NUP205: variants seen among roughly 807,000 people sequenced by gnomAD.
NUP205 encodes nucleoporin 205, also known as nuclear pore complex protein Nup205.
A neutral mutation model predicts 253.8 loss-of-function variants in NUP205; 76 were observed. The ratio of observed to expected loss-of-function variants is 0.30; its 90% CI spans 0.25 to 0.36. The LOEUF is 0.36. Ranked by LOEUF, NUP205 falls within the 10% of genes least tolerant of loss-of-function variation. The pLI is 1.00. For synonymous variants in NUP205, 832 were observed against 850.1 expected (o/e 0.98, Z 0.37); for missense variants, 2,162 against 2,425.5 (o/e 0.89, Z 2.28).
In NUP205 at chr7:135,614,238, T is replaced by A. The variant is rs1240199348; in HGVS notation, c.3275T>A (p.Phe1092Tyr). 1 of 1,610,476 alleles carries A rather than the reference T, an allele frequency of 6.2e-7. No individual in the cohort carries two copies. The highest frequency in any genetic ancestry group is 8.5e-7 in the Non-Finnish European group (1 of 1,176,818). The change falls in exon 23 of 43, where the codon TTT (phenylalanine) becomes TAT (tyrosine). Residue 1092 changes from phenylalanine (F) to tyrosine (Y), a missense_variant. Phe to Tyr is a conservative substitution (Grantham distance 22). Around this residue, in one of 5 missense-constraint regions of NUP205, gnomAD observed 1,144 missense variants for 1,280.9 expected, o/e 0.89. Transcript: ENST00000285968. Reference protein sequence around the residue: ...RYLRTSQDFLFSQLQYLPFSN... With the variant: ...RYLRTSQDFLYSQLQYLPFSN... The stretch of plus-strand genomic sequence containing the variant: ...TTGAGAACCAGCCAGGATTTCTTAT[T>A]TTCCCAGTTGCAGTATCTACCATTT...
rs78254699 is a variant in NUP205, at chr7:135,606,901, A to G, written c.3056A>G (p.Asn1019Ser). The G allele has an allele frequency of 1.6e-3, 2,612 of 1,613,888 alleles. 1 individual carries two copies. The highest frequency in any genetic ancestry group is 2.1e-3 in the Non-Finnish European group (2,454 of 1,179,882). ...TTGAAAAAACCTGTCAGTACTACAA[A>G]CCTACAAGATCCAGGTATAGCCTAA... ...FELKKPVSTT[N>S]LQDPGVLGCP... Residue 1019 changes from asparagine to serine, a missense_variant, in exon 21 of 43, where the codon AAC (asparagine) becomes AGC (serine). Transcript: ENST00000285968.
intron 1 of NUP205, among the ~76,000 whole-genome samples, chr7:135,563,363 A>G (rs2129489480): frequency 6.6e-6 from 1 of 151,590 alleles, no homozygotes; most frequent in East Asian, 2.0e-4. Context: ...AATTTTTTGT[A>G]TTTTTGGTAG....
intron 35 of NUP205, among the ~76,000 whole-genome samples, chr7:135,630,803 G>A (rs1024395971): frequency 6.6e-6 from 1 of 152,082 alleles, no homozygotes; most frequent in African/African-American, 2.4e-5. Context: ...GCATTCACCT[G>A]TGGTCCTGGC....
chr7:135,565,319 A>T (rs1307751742), intron 1 of NUP205, among the ~76,000 whole-genome samples: 1 of 152,162 alleles, frequency 6.6e-6, no homozygotes, highest in Non-Finnish European at 1.5e-5. Flanking sequence ...AGTCATCATT[A>T]ATACCTTCCC....
chr7:135,607,434 G>A (rs868420085), intron 22 of NUP205, 63 bp downstream of exon 22: 14 of 1,561,544 alleles, frequency 9.0e-6, no homozygotes, highest in African/African-American at 5.4e-5. Flanking sequence ...GCATGAGTAC[G>A]CCACAGATAT....
chr7:135,634,579 G>C (rs913976089), intron 35 of NUP205, among the ~76,000 whole-genome samples: 5 of 152,132 alleles, frequency 3.3e-5, no homozygotes, highest in African/African-American at 1.2e-4. Flanking sequence ...GTTTTTGCTT[G>C]GTTTTGTTTT....
intron 35 of NUP205, chr7:135,635,334 A>G (rs1041123698): frequency 7.0e-5 from 20 of 286,024 alleles, no homozygotes; most frequent in African/African-American, 3.9e-4. Flanking sequence ...CTTGAAAACT[A>G]AAAATGCCTT....
intron 1 of NUP205, among the ~76,000 whole-genome samples, chr7:135,561,763 A>G (rs571968149): frequency 1.3e-5 from 2 of 151,988 alleles, no homozygotes; most frequent in East Asian, 3.9e-4. Context: ...TTTGTCTTGT[A>G]TATTCACTTC....
intron 1 of NUP205, among the ~76,000 whole-genome samples, chr7:135,559,432 G>A (rs554926979): frequency 2.0e-5 from 3 of 151,722 alleles, no homozygotes; most frequent in Non-Finnish European, 4.4e-5. Flanking sequence ...GATGCGATCC[G>A]CGATCCTGGC....
intron 27 of NUP205, among the ~76,000 whole-genome samples, chr7:135,618,157 G>A (rs141072771): frequency 5.0e-4 from 76 of 152,136 alleles, no homozygotes; most frequent in African/African-American, 1.7e-3. Flanking sequence ...ACAGGTACAA[G>A]GAGAAAGAAG....
chr7:135,585,930 G>A (rs1806450412), intron 8 of NUP205, among the ~76,000 whole-genome samples: 1 of 152,198 alleles, frequency 6.6e-6, no homozygotes, highest in Non-Finnish European at 1.5e-5. Flanking sequence ...GTAACACAAA[G>A]GCTGCTTTTG....
Position 135,625,202 on chromosome 7 carries a change from G to A in NUP205, c.4518G>A (p.Val1506=), listed in dbSNP as rs557851004. ...CTCTACTTGATAGAATTGTCTCCGTGGATAAACAGCAGCAGTGGCTTTTGT... is the reference window on the plus strand; with the variant it reads ...CTCTACTTGATAGAATTGTCTCCGTAGATAAACAGCAGCAGTGGCTTTTGT... The part of the protein sequence containing the change: ...ALALLDRIVS[V]DKQQQWLLYL... Residue 1506 remains valine (V), a synonymous_variant, in exon 32 of 43, where the codon GTG becomes GTA. Coordinates refer to ENST00000285968, the MANE Select transcript of NUP205 (RefSeq NM_015135.3). 4 of 1,613,612 alleles carry A rather than the reference G, an allele frequency of 2.5e-6. No individual in the cohort carries two copies. In the African/African-American group the frequency reaches 5.3e-5, roughly 22 times the overall value.
Position 135,592,958 on chromosome 7 carries a change from A to G in NUP205, c.1625-29A>G, listed in dbSNP as rs372977852. ...CAGCAAATGCTTAGATGTTTTTTAAATAAAATTCTGTGCTGTTTTTCTTTA... is the reference window on the plus strand; with the variant it reads ...CAGCAAATGCTTAGATGTTTTTTAAGTAAAATTCTGTGCTGTTTTTCTTTA... On this transcript the variant is annotated intron_variant, in intron 11 of 42. Transcript: ENST00000285968. 6.1e-6 allele frequency: 9 copies of G among 1,470,510 alleles called. No homozygotes were observed. In the African/African-American group the frequency reaches 1.1e-4, roughly 18 times the overall value. 91.1% of individuals were successfully genotyped at this position (1,470,510 alleles called of 1,614,324 possible).
rs1456420206 is a variant in NUP205 at position 135,619,083 on chromosome 7, G to C, written c.3964-340G>C. On this transcript the variant is annotated intron_variant, in intron 28 of 42. Coordinates refer to ENST00000285968, the MANE Select transcript of NUP205 (RefSeq NM_015135.3). ...AAATGTATATAAAACTTGTTAATGG[G>C]CTGTGTGCAGTGATTCATGCCTGCA... 2.0e-5 allele frequency among the ~76,000 whole-genome samples: 3 copies of C among 152,124 alleles called. No homozygotes were observed. In the East Asian group the frequency reaches 5.8e-4, roughly 29 times the overall value.
intron 1 of NUP205, among the ~76,000 whole-genome samples, chr7:135,567,152 A>G (rs866072589): frequency 2.1e-4 from 19 of 89,296 alleles, no homozygotes; most frequent in African/African-American, 7.0e-4. Context: ...ATATATATAT[A>G]TATATATATA....
At chr7:135,638,257 A>G (rs1263751906) in intron 37 of NUP205, among the ~76,000 whole-genome samples, 198 bp downstream of exon 37, 1 of 152,038 alleles carries the variant, frequency 6.6e-6, no homozygotes, top group East Asian at 1.9e-4. Flanking sequence ...TAAAAATACA[A>G]AAAAAATTTA....
chr7:135,647,263 C>T (rs1199892741), intron 42 of NUP205, among the ~76,000 whole-genome samples: 2 of 152,254 alleles, frequency 1.3e-5, no homozygotes, highest in East Asian at 1.9e-4. Flanking sequence ...GATAAAGCCT[C>T]TGCTCCTCCC....
At chr7:135,603,050 G>T in intron 18 of NUP205, 56 bp downstream of exon 18, 3 of 1,282,254 alleles carry the variant, frequency 2.3e-6, no homozygotes, top group South Asian at 3.0e-5. Flanking sequence ...TTCTAGCTTT[G>T]ATTTTCAAAT....
In NUP205 at chr7:135,637,844, T is replaced by C. The variant is rs1563139200; in HGVS notation, c.5137-87T>C. 6.5e-6 allele frequency: 8 copies of C among 1,238,630 alleles called. No individual in the cohort carries two copies. The East Asian group carries it at 1.9e-4, about 30-fold the overall frequency. The allele number at this position is 1,238,630 out of a possible 1,614,324, so 76.7% of individuals were successfully genotyped here. A position where few individuals can be genotyped will look rare whatever the true frequency, so the allele number is the denominator to read the frequency against. On this transcript the variant is annotated intron_variant, in intron 36 of 42. Transcript: ENST00000285968. ...GATGCCTTAAGGACTGATTCCATTC[T>C]CCACTGAGTTTTTCTTGTTTCTATC... is the stretch of plus-strand genomic sequence containing the variant.
Sources: gnomAD v4.1 joint callset for allele counts (sites outside exome capture counted in the v4.1 genomes callset) on GRCh38, gnomAD v4.1.1 for gene constraint, gnomAD v4.1.1 regional missense constraint, MANE v1.5 for transcripts, NCBI Gene and HGNC (gene_info 2026-07-23, HGNC 2026-07-21) for gene names.